NAV2: variants seen among roughly 807,000 people sequenced by gnomAD.
The protein encoded by NAV2 is neuron navigator 2, also known as helicase, APC down-regulated 1.
A neutral mutation model predicts 223.2 loss-of-function variants in NAV2; 54 were observed. The ratio of observed to expected loss-of-function variants is 0.24; its 90% CI spans 0.19 to 0.30. NAV2 has a LOEUF of 0.30. NAV2 is among the 10% of genes least tolerant of loss of function. NAV2 has a pLI of 1.00. For missense variants in NAV2, 2,806 were observed against 3,147.5 expected, an observed-to-expected ratio of 0.89 and a Z score of 2.60; for synonymous variants, 1,279 against 1,239.3, an observed-to-expected ratio of 1.03 and a Z score of -0.67.
At chr11:19,938,763 A>G (rs12288878) in intron 7 of NAV2, among the ~76,000 whole-genome samples, 84 of 152,304 alleles carry the variant, frequency 5.5e-4, no homozygotes, top group African/African-American at 2.0e-3. Context: ...AGATAACAGA[A>G]TTGAGAACGA....
At chr11:20,013,429 T>G (rs541913025) in intron 11 of NAV2, among the ~76,000 whole-genome samples, 1 of 151,994 alleles carries the variant, frequency 6.6e-6, no homozygotes, top group Non-Finnish European at 1.5e-5. Flanking sequence ...TCAGCTAGCC[T>G]TCCCGCTAGG....
chr11:20,086,422 A>G (rs1319422471), intron 26 of NAV2, among the ~76,000 whole-genome samples: 4 of 152,200 alleles, frequency 2.6e-5, no homozygotes, highest in Non-Finnish European at 4.4e-5. Context: ...GACTTAATGA[A>G]TAAGGCCTTG....
chr11:20,071,495 G>A (rs1027914794), intron 22 of NAV2, among the ~76,000 whole-genome samples: 16 of 152,138 alleles, frequency 1.1e-4, no homozygotes, highest in African/African-American at 3.9e-4. Context: ...GGATTGCTGG[G>A]TCAAATGGTA....
intron 1 of NAV2, among the ~76,000 whole-genome samples, chr11:19,399,254 C>G (rs987521945): frequency 1.3e-5 from 2 of 152,150 alleles, no homozygotes; most frequent in African/African-American, 4.8e-5. Flanking sequence ...AGAACTCCCT[C>G]TACCCACGCT....
At position 20,082,130 on chromosome 11, in the gene NAV2, T is replaced by A. The variant is rs573717743; in HGVS notation, c.5326-877T>A. Among the ~76,000 whole-genome samples the A allele has an allele frequency of 2.0e-5, 3 of 152,310 alleles. No homozygotes were observed. In the East Asian group the frequency reaches 5.8e-4, roughly 29 times the overall value. ...TGCTGCTTATTAGATTATCTTCTTATATACACAAATAGCTGAAACTCCTAA... is the reference window on the plus strand; with the variant it reads ...TGCTGCTTATTAGATTATCTTCTTAAATACACAAATAGCTGAAACTCCTAA... On this transcript the variant is annotated intron_variant, in intron 25 of 37. Coordinates refer to ENST00000349880, the MANE Select transcript of NAV2 (RefSeq NM_145117.5).
chr11:19,355,338 C>T (rs1309731474), intron 1 of NAV2, among the ~76,000 whole-genome samples: 4 of 151,264 alleles, frequency 2.6e-5, no homozygotes, highest in Non-Finnish European at 2.9e-5. Context: ...GTCAACTTCT[C>T]AGCATGAAAG....
intron 1 of NAV2, among the ~76,000 whole-genome samples, chr11:19,430,840 C>T (rs1414285224): frequency 1.3e-5 from 2 of 152,240 alleles, no homozygotes; most frequent in African/African-American, 2.4e-5. Context: ...AAGCTCCAGC[C>T]TCCTCTGACA....
chr11:20,112,975 G>A (rs956577332), intron 36 of NAV2, among the ~76,000 whole-genome samples: 1 of 152,204 alleles, frequency 6.6e-6, no homozygotes, highest in Non-Finnish European at 1.5e-5. Flanking sequence ...ACAGACAGCC[G>A]TGGCCACCCT....
At chr11:19,502,188 C>G (rs1419382768) in intron 1 of NAV2, among the ~76,000 whole-genome samples, 1 of 152,092 alleles carries the variant, frequency 6.6e-6, no homozygotes. Context: ...AGCACATGGT[C>G]TCAGGAACAA....
In NAV2 at chr11:20,001,996, G is replaced by A. The variant is rs115307037; in HGVS notation, c.2768+17749G>A. ...ACAGGCACTTCTTTCTCACAGTTCT[G>A]GAAGCTGGAAGTCCAAGGTCAGGAT... On this transcript the variant is annotated intron_variant, in intron 11 of 37. Transcript: ENST00000349880. 3.4e-3 allele frequency among the ~76,000 whole-genome samples: 511 copies of A among 152,274 alleles called. 7 individuals are homozygous for A. The highest frequency in any genetic ancestry group is 0.012 in the African/African-American group (492 of 41,540).
intron 1 of NAV2, among the ~76,000 whole-genome samples, chr11:19,412,443 T>G (rs1850184900): frequency 6.6e-6 from 1 of 151,758 alleles, no homozygotes; most frequent in African/African-American, 2.4e-5. Flanking sequence ...TAGATAAAAC[T>G]CCCATCTCCC....
In NAV2 at chr11:20,093,147, G is replaced by T. The variant is rs752087705; in HGVS notation, c.5864G>T (p.Gly1955Val). 1 of 1,614,068 alleles carries T rather than the reference G, an allele frequency of 6.2e-7. No homozygotes were observed. Among genetic ancestry groups the T allele is most frequent in the South Asian group, 1.1e-5 (1 of 91,070 alleles). The change falls in exon 29 of 38, where the codon GGC becomes GTC. Residue 1955 changes from glycine (G) to valine (V), a missense_variant. By Grantham distance (109) the Gly-to-Val change is moderately radical. Around this residue, in one of 4 missense-constraint regions of NAV2, gnomAD observed 824 missense variants for 1,069.4 expected, o/e 0.77. Coordinates refer to ENST00000349880, the MANE Select transcript of NAV2 (RefSeq NM_145117.5). ...GAATGCTCGGCTCGGAAGGAAGGAG[G>T]CAGGCATGTTAAGATAGTTGTCAGC... ...TGECSARKEGGRHVKIVVSFQ... is the reference protein window; with the variant it reads ...TGECSARKEGVRHVKIVVSFQ...
chr11:19,356,191 A>G (rs1010602326), intron 1 of NAV2, among the ~76,000 whole-genome samples: 1 of 152,208 alleles, frequency 6.6e-6, no homozygotes, highest in Non-Finnish European at 1.5e-5. Context: ...CATTTAAAAT[A>G]TCACTGAAGA....
At chr11:19,863,210 A>T (rs970099761) in intron 3 of NAV2, among the ~76,000 whole-genome samples, 4 of 152,206 alleles carry the variant, frequency 2.6e-5, no homozygotes, top group Admixed American at 1.3e-4. Context: ...CCAAGGAATG[A>T]AGAGACCCTT....
chr11:20,068,429 G>C (rs935183023), intron 22 of NAV2, 31 bp downstream of exon 22: 3 of 1,551,336 alleles, frequency 1.9e-6, no homozygotes, highest in Non-Finnish European at 8.9e-7. Context: ...GTAGCATCGG[G>C]ACAGGAAGCA....
chr11:19,962,438 C>T (rs550381175), intron 10 of NAV2, among the ~76,000 whole-genome samples: 17 of 152,218 alleles, frequency 1.1e-4, no homozygotes, highest in Admixed American at 1.1e-3. Context: ...TGTAAGCAGG[C>T]CTTGCCATAT....
intron 1 of NAV2, among the ~76,000 whole-genome samples, chr11:19,738,551 A>G (rs2052530307): frequency 6.6e-6 from 1 of 152,158 alleles, no homozygotes; most frequent in Non-Finnish European, 1.5e-5. Flanking sequence ...AGTATTTACA[A>G]CCAACCCAGA....
At chr11:19,728,588 C>G (rs991050622) in intron 1 of NAV2, among the ~76,000 whole-genome samples, 1 of 152,212 alleles carries the variant, frequency 6.6e-6, no homozygotes, top group Non-Finnish European at 1.5e-5. Context: ...AGCTGCTAAA[C>G]CCTGCCTCTG....
chr11:20,043,722 G>C lies in NAV2; in HGVS notation c.2908-259G>C, dbSNP rs182187697. The C allele has an allele frequency of 9.9e-4, 400 of 405,626 alleles. 2 individuals are homozygous for C. Among genetic ancestry groups the C allele is most frequent in the Admixed American group, 1.6e-3 (42 of 26,132 alleles). 25.1% of individuals were successfully genotyped at this position (405,626 alleles called of 1,614,324 possible). On this transcript the variant is annotated intron_variant, in intron 12 of 37. Coordinates refer to ENST00000349880, the MANE Select transcript of NAV2 (RefSeq NM_145117.5). ...CTCCTAAAATATTAGGATTATAGGC[G>C]TGAGCCACTGTGCCCAGCCATCTCG...
Sources: gnomAD v4.1 joint callset for allele counts (sites outside exome capture counted in the v4.1 genomes callset) on GRCh38, gnomAD v4.1.1 for gene constraint, gnomAD v4.1.1 regional missense constraint, MANE v1.5 for transcripts, NCBI Gene and HGNC (gene_info 2026-07-23, HGNC 2026-07-21) for gene names.